MBOAT4: variants seen among roughly 807,000 people sequenced by gnomAD.
MBOAT4 encodes the protein membrane bound ghrelin O-acyltransferase MBOAT4, also known as membrane-bound ghrelin O-acyltransferase MBOAT4.
In MBOAT4, 11 loss-of-function variants were observed where a neutral mutation model predicts 13.2. The observed-to-expected ratio is 0.84, with a 90% CI of 0.53 to 1.38. MBOAT4 has a LOEUF of 1.38. MBOAT4 is among the 40% of genes most tolerant of loss of function. The probability of loss-of-function intolerance (pLI) is 0.00; values close to 1 mark genes in which losing one functional copy is unlikely to be tolerated. For synonymous variants in MBOAT4, 202 were observed against 210.3 expected (o/e 0.96, Z 0.34); for missense variants, 481 against 527.2 (o/e 0.91, Z 0.86).
chr8:30,142,363 T>C (rs1391937041), intron 1 of MBOAT4, among the ~76,000 whole-genome samples: 1 of 152,108 alleles, frequency 6.6e-6, no homozygotes, highest in East Asian at 1.9e-4. Flanking sequence ...TTTTATTTTA[T>C]TTTTATTTTT....
rs145023991 is a variant in MBOAT4, at chr8:30,138,690, G to C, written c.186C>G (p.Leu62=). 2.8e-5 allele frequency: 44 copies of C among 1,550,936 alleles called. No individual in the cohort carries two copies. Among genetic ancestry groups the C allele is most frequent in the Non-Finnish European group, 3.6e-5 (41 of 1,147,002 alleles). The change falls in exon 2 of 3, where the codon CTC becomes CTG. Residue 62 remains leucine (L), a synonymous_variant. Transcript: ENST00000320542. ...AVAAMGSYAV[L]VFTPAVCAVA... ...CAGCGCAGACAGCAGGGGTGAAGAC[G>C]AGCACGGCGTAGGAACCCATGGCAG... is the stretch of plus-strand genomic sequence containing the variant.
At chr8:30,137,241 C>T in intron 2 of MBOAT4, 1 of 1,488,472 alleles carries the variant, frequency 6.7e-7, no homozygotes. Flanking sequence ...CTTCTCTAGA[C>T]TGTAATTAGC....
Position 30,138,895 on chromosome 8 carries a change from C to T in MBOAT4, c.120-139G>A, listed in dbSNP as rs369053992. 2.3e-5 allele frequency: 14 copies of T among 613,394 alleles called. No homozygotes were observed. The African/African-American group carries it at 2.4e-4, about 11-fold the overall frequency. The allele number at this position is 613,394 out of a possible 1,614,324, so 38.0% of individuals were successfully genotyped here. A position where few individuals can be genotyped will look rare whatever the true frequency, so the allele number is the denominator to read the frequency against. On this transcript the variant is annotated intron_variant, in intron 1 of 2. Coordinates refer to ENST00000320542, the MANE Select transcript of MBOAT4 (RefSeq NM_001100916.2). ...TAGCCATGCTGTTTGCACTCTGGGG[C>T]CTTCCTTTTGTTCTTCAGAAGAAAA...
intron 1 of MBOAT4, among the ~76,000 whole-genome samples, chr8:30,139,030 A>C (rs1395568057): frequency 6.6e-6 from 1 of 150,788 alleles, no homozygotes; most frequent in South Asian, 2.1e-4. Context: ...GTGAGTATAG[A>C]GTTGCAATCA....
rs1420408539 is a variant in MBOAT4, at chr8:30,132,075, G to A, written c.1176C>T (p.Tyr392=). 6.4e-7 allele frequency: 1 copy of A among 1,551,798 alleles called. No individual in the cohort carries two copies. Reference sequence around the variant, plus strand: ...TCCTGACCTCCACAGCCAGCATGATGTAGGCAATGATCAACTGGGTGTGGG... The same window carrying A: ...TCCTGACCTCCACAGCCAGCATGATATAGGCAATGATCAACTGGGTGTGGG... ...TWAHTQLIIA[Y]IMLAVEVRSL... is the part of the protein sequence containing the mutation. Residue 392 remains tyrosine (Y), a synonymous_variant, in exon 3 of 3, where the codon TAC becomes TAT. Coordinates refer to ENST00000320542, the MANE Select transcript of MBOAT4 (RefSeq NM_001100916.2).
chr8:30,134,808 A>G (rs888577999), intron 2 of MBOAT4, among the ~76,000 whole-genome samples: 1 of 152,134 alleles, frequency 6.6e-6, no homozygotes, highest in African/African-American at 2.4e-5. Context: ...TCGGCCTCCC[A>G]AAGTGCTAGG....
At position 30,132,093 on chromosome 8, in the gene MBOAT4, G is replaced by T; in HGVS notation, c.1158C>A (p.Thr386=). 1 of 1,551,722 alleles carries T rather than the reference G, an allele frequency of 6.4e-7. No individual in the cohort carries two copies. The highest frequency in any genetic ancestry group is 1.7e-4 in the Middle Eastern group (1 of 5,992). The change falls in exon 3 of 3, where the codon ACC becomes ACA. Residue 386 remains threonine, a synonymous_variant. Coordinates refer to ENST00000320542, the MANE Select transcript of MBOAT4 (RefSeq NM_001100916.2). ...LFYRTLTWAH[T]QLIIAYIMLA... ...GCATGATGTAGGCAATGATCAACTG[G>T]GTGTGGGCCCAGGTGAGGGTTCTAT...
intron 1 of MBOAT4, 103 bp from the exon 2 acceptor site, chr8:30,138,859 A>G: frequency 1.2e-6 from 1 of 812,570 alleles, no homozygotes; most frequent in South Asian, 1.7e-5. Context: ...GGCCCCACAC[A>G]ACACCTAAAG....
chr8:30,133,004 G>T, intron 2 of MBOAT4, 98 bp from the exon 3 acceptor site: 2 of 1,220,622 alleles, frequency 1.6e-6, no homozygotes, highest in South Asian at 3.3e-5. Context: ...AAATAGATAG[G>T]TCTGTACAGC....
chr8:30,138,507 C>G (rs1222594087), intron 2 of MBOAT4, 25 bp downstream of exon 2: 9 of 1,529,446 alleles, frequency 5.9e-6, no homozygotes, highest in Non-Finnish European at 8.0e-6. Flanking sequence ...GTGGGCTGAG[C>G]ATGACCAACG....
At chr8:30,144,204 G>A (rs536704407) in intron 1 of MBOAT4, among the ~76,000 whole-genome samples, 1 of 150,904 alleles carries the variant, frequency 6.6e-6, no homozygotes, top group East Asian at 1.9e-4. Flanking sequence ...GCGCCATCTC[G>A]GCTCACTGCA....
At chr8:30,140,542 T>A (rs1803245852) in intron 1 of MBOAT4, among the ~76,000 whole-genome samples, 2 of 152,226 alleles carry the variant, frequency 1.3e-5, no homozygotes, top group Non-Finnish European at 1.5e-5. Context: ...TGGGTTCACT[T>A]TTCTTTACAT....
rs1335005081 is a variant in MBOAT4, at chr8:30,132,199, C to T, written c.1052G>A (p.Trp351Ter). The change falls in exon 3 of 3, where the codon TGG becomes TAG. Residue 351 changes from tryptophan (W) to a stop codon, truncating the protein, a stop_gained. Transcript: ENST00000320542. LOFTEE classifies it low-confidence loss of function (END_TRUNC). ...HPGQVFGFVC[W>*]AVMVEADYLI... The stretch of plus-strand genomic sequence containing the variant: ...GTAGTCAGCTTCCACCATCACGGCC[C>T]AGCAAACGAAACCAAACACCTGTCC... 6.4e-7 allele frequency: 1 copy of T among 1,551,872 alleles called. No homozygotes were observed. Among genetic ancestry groups the T allele is most frequent in the Non-Finnish European group, 8.7e-7 (1 of 1,147,034 alleles).
chr8:30,141,553 G>C (rs377208476), intron 1 of MBOAT4, among the ~76,000 whole-genome samples: 9 of 152,116 alleles, frequency 5.9e-5, no homozygotes, highest in Non-Finnish European at 1.0e-4. Flanking sequence ...CAGGAGAATC[G>C]CTTGAGCTCA....
Position 30,144,647 on chromosome 8 carries a change from G to T in MBOAT4, c.-46C>A. 1 of 1,259,994 alleles carries T rather than the reference G, an allele frequency of 7.9e-7. No individual in the cohort carries two copies. Among genetic ancestry groups the T allele is most frequent in the Non-Finnish European group, 1.1e-6 (1 of 896,998 alleles). The allele number at this position is 1,259,994 out of a possible 1,614,324, so 78.1% of individuals were successfully genotyped here. On this transcript the variant is annotated 5_prime_UTR_variant, in exon 1 of 3. Coordinates refer to ENST00000320542, the MANE Select transcript of MBOAT4 (RefSeq NM_001100916.2). ...CCTGTCTTTTCCAGTGTCCTTAACTGATGCCTTCCTCCAAGAGTAATCTCA... is the reference window on the plus strand; with the variant it reads ...CCTGTCTTTTCCAGTGTCCTTAACTTATGCCTTCCTCCAAGAGTAATCTCA...
At chr8:30,137,199 C>T (rs1803166740) in intron 2 of MBOAT4, 1 of 1,126,586 alleles carries the variant, frequency 8.9e-7, no homozygotes, top group African/African-American at 1.6e-5. Flanking sequence ...TGTTTCCTCT[C>T]ATCTCAGGGA....
At chr8:30,137,015 A>C (rs1803162331) in intron 2 of MBOAT4, among the ~76,000 whole-genome samples, 2 of 152,036 alleles carry the variant, frequency 1.3e-5, no homozygotes, top group Admixed American at 1.3e-4. Flanking sequence ...GAAAATTAAA[A>C]AAAAAAATTC....
intron 1 of MBOAT4, among the ~76,000 whole-genome samples, chr8:30,142,063 C>A (rs996628370): frequency 1.3e-5 from 2 of 152,140 alleles, no homozygotes; most frequent in African/African-American, 4.8e-5. Flanking sequence ...AGGCAACTCC[C>A]CTAGGAGATT....
chr8:30,135,056 GTTT>G (rs34509876), intron 2 of MBOAT4, among the ~76,000 whole-genome samples: 22 of 111,788 alleles, frequency 2.0e-4, no homozygotes, highest in African/African-American at 4.6e-4. Flanking sequence ...ATTTTTGTGG[GTTT>G]TTTTTTTTTT....
Sources: gnomAD v4.1 joint callset for allele counts (sites outside exome capture counted in the v4.1 genomes callset) on GRCh38, gnomAD v4.1.1 for gene constraint, MANE v1.5 for transcripts, NCBI Gene and HGNC (gene_info 2026-07-23, HGNC 2026-07-21) for gene names.